The following PLEKHA4 variants were observed in gnomAD, a reference collection of about 807,000 sequenced individuals.
PLEKHA4 encodes pleckstrin homology domain containing A4, also known as pleckstrin homology domain-containing family A member 4.
A neutral mutation model predicts 94.7 loss-of-function variants in PLEKHA4; 73 were observed. That is an observed-to-expected ratio of 0.77 (90% CI 0.64 to 0.94). PLEKHA4 has a LOEUF of 0.94. Ranked by LOEUF, PLEKHA4 falls within the 40% of genes least tolerant of loss-of-function variation. The probability of loss-of-function intolerance (pLI) is 0.00; values close to 1 mark genes in which losing one functional copy is unlikely to be tolerated. For missense variants in PLEKHA4, 1,049 were observed against 1,054.1 expected, an observed-to-expected ratio of 1.00 and a Z score of 0.07; for synonymous variants, 449 against 437.1, an observed-to-expected ratio of 1.03 and a Z score of -0.34.
At chr19:48,864,935 T>A (rs929045700) in intron 3 of PLEKHA4, among the ~76,000 whole-genome samples, 1 of 152,190 alleles carries the variant, frequency 6.6e-6, no homozygotes, top group African/African-American at 2.4e-5. Flanking sequence ...ACTAATTTAT[T>A]ATCCACCCAT....
intron 17 of PLEKHA4, 102 bp downstream of exon 17, chr19:48,841,047 G>A (rs1327588758): frequency 2.5e-6 from 3 of 1,177,618 alleles, no homozygotes; most frequent in South Asian, 1.5e-5. Context: ...CAGTTTGGAG[G>A]AAGGAGGTAG....
Position 48,838,126 on chromosome 19 carries a change from T to C in PLEKHA4, c.1968A>G (p.Pro656=). The C allele has an allele frequency of 6.3e-7, 1 of 1,591,332 alleles. No homozygotes were observed. The highest frequency in any genetic ancestry group is 8.5e-7 in the Non-Finnish European group (1 of 1,170,488). Residue 656 remains proline, a synonymous_variant, in exon 19 of 20, where the codon CCA becomes CCG. Coordinates refer to ENST00000263265, the MANE Select transcript of PLEKHA4 (RefSeq NM_020904.3). ...WLRSSGSWSS[P]RNTTPYLPTS... ...TCGGCAAGTAAGGGGTGGTGTTCCT[T>C]GGACTAGAAAAAAAAAGAAGATTGG...
chr19:48,847,829 T>C, intron 14 of PLEKHA4, 71 bp downstream of exon 14: 1 of 1,455,052 alleles, frequency 6.9e-7, no homozygotes, highest in Non-Finnish European at 9.1e-7. Flanking sequence ...AAGAGGTGGG[T>C]GGGGAATAGA....
chr19:48,838,703 G>T (rs1302057709), intron 18 of PLEKHA4, among the ~76,000 whole-genome samples: 3 of 149,528 alleles, frequency 2.0e-5, no homozygotes, highest in Admixed American at 1.3e-4. Context: ...GAAGGCGGAG[G>T]TTGCAGTGAA....
At chr19:48,853,977 G>A in intron 11 of PLEKHA4, 30 bp downstream of exon 11, 4 of 1,613,324 alleles carry the variant, frequency 2.5e-6, no homozygotes, top group Non-Finnish European at 3.4e-6. Context: ...GAGAGGCCAG[G>A]CGCCCTGTCC....
Position 48,841,305 on chromosome 19 carries a change from C to T in PLEKHA4, c.1749G>A (p.Pro583=), listed in dbSNP as rs745622501. The change falls in exon 17 of 20, where the codon CCG becomes CCA. Residue 583 remains proline, a synonymous_variant. Coordinates refer to ENST00000263265, the MANE Select transcript of PLEKHA4 (RefSeq NM_020904.3). ...LPSPQLGTKA[P]VARPRMSAQE... is the part of the protein sequence containing the mutation. ...GGGCACTCATCCGGGGCCGGGCCAC[C>T]GGGGCCTAGGGAGGCGAGAAACGTC... 22 of 1,608,484 alleles carry T rather than the reference C, an allele frequency of 1.4e-5. No individual in the cohort carries two copies. Among genetic ancestry groups the T allele is most frequent in the East Asian group, 8.9e-5 (4 of 44,796 alleles).
intron 3 of PLEKHA4, 60 bp from the exon 4 acceptor site, chr19:48,861,752 G>A (rs1347193900): frequency 2.1e-6 from 3 of 1,453,206 alleles, no homozygotes; most frequent in Admixed American, 1.8e-5. Context: ...GGGGATGAAG[G>A]CAGTGACGAT....
intron 13 of PLEKHA4, among the ~76,000 whole-genome samples, 160 bp downstream of exon 13, chr19:48,852,068 C>G (rs1443025571): frequency 5.3e-5 from 8 of 152,064 alleles, no homozygotes; most frequent in African/African-American, 1.9e-4. Context: ...AGGGCATGGT[C>G]TTAACTAAAA....
intron 3 of PLEKHA4, 35 bp downstream of exon 3, chr19:48,865,468 C>T (rs2036795780): frequency 6.5e-7 from 1 of 1,538,246 alleles, no homozygotes; most frequent in Non-Finnish European, 9.0e-7. Flanking sequence ...GGGGCACAGA[C>T]TTCAGTGTCC....
At position 48,841,147 on chromosome 19, in the gene PLEKHA4, A is replaced by G; in HGVS notation, c.1905+2T>C. 6.2e-7 allele frequency: 1 copy of G among 1,605,984 alleles called. No individual in the cohort carries two copies. The highest frequency in any genetic ancestry group is 8.5e-7 in the Non-Finnish European group (1 of 1,176,486). Reference sequence around the variant, plus strand: ...GCCCAGCCCCAGCCCTCCTCCCCTCACCCTTTGCTCCACGTCAGGCTGGCG... The same window carrying G: ...GCCCAGCCCCAGCCCTCCTCCCCTCGCCCTTTGCTCCACGTCAGGCTGGCG... On this transcript the variant is annotated splice_donor_variant, in intron 17 of 19. Coordinates refer to ENST00000263265, the MANE Select transcript of PLEKHA4 (RefSeq NM_020904.3). LOFTEE classifies it high-confidence loss of function.
intron 17 of PLEKHA4, 57 bp downstream of exon 17, chr19:48,841,092 T>A (rs2035744328): frequency 3.3e-6 from 5 of 1,506,824 alleles, no homozygotes; most frequent in Non-Finnish European, 4.5e-6. Flanking sequence ...GGACTCAAAG[T>A]AGGCGAAGAG....
At chr19:48,855,548 G>A (rs1206130909) in intron 9 of PLEKHA4, among the ~76,000 whole-genome samples, 2 of 151,974 alleles carry the variant, frequency 1.3e-5, no homozygotes, top group African/African-American at 2.4e-5. Flanking sequence ...AGGTTGCAGC[G>A]AGCCGAGATC....
rs573089307 is a variant in PLEKHA4 at position 48,848,365 on chromosome 19, A to C, written c.1426-325T>G. On this transcript the variant is annotated intron_variant, in intron 13 of 19. Coordinates refer to ENST00000263265, the MANE Select transcript of PLEKHA4 (RefSeq NM_020904.3). ...GCCGGGCGTAGTGGCGGGCACCTGT[A>C]GTCCCAGCTACTTGGGAGGCTGAGG... is the stretch of plus-strand genomic sequence containing the variant. 1.1e-3 allele frequency among the ~76,000 whole-genome samples: 168 copies of C among 151,038 alleles called. 6 individuals are homozygous for C. The South Asian group carries it at 0.028, about 26-fold the overall frequency.
At chr19:48,848,485 CAAAA>C (rs5828364) in intron 13 of PLEKHA4, among the ~76,000 whole-genome samples, 3 of 92,694 alleles carry the variant, frequency 3.2e-5, no homozygotes, top group South Asian at 3.5e-4. Context: ...GACTCCGTCT[CAAAA>C]AAAAAAAAAA....
rs757783478 is a variant in PLEKHA4, at chr19:48,857,481, G to C, written c.988C>G (p.Pro330Ala). 2 of 1,561,016 alleles carry C rather than the reference G, an allele frequency of 1.3e-6. No individual in the cohort carries two copies. The highest frequency in any genetic ancestry group is 2.8e-5 in the African/African-American group (2 of 72,128). Residue 330 changes from proline (P) to alanine (A), a missense_variant, in exon 9 of 20, where the codon CCC becomes GCC. Transcript: ENST00000263265. ...CGCGGGGGGAGCTGGAGATAAGTGGGGGAGCCAGAGTGTGCCTGGGAGGAA... is the reference window on the plus strand; with the variant it reads ...CGCGGGGGGAGCTGGAGATAAGTGGCGGAGCCAGAGTGTGCCTGGGAGGAA... ...EPRTQAHSGS[P>A]TYLQLPPRPP...
At position 48,848,027 on chromosome 19, in the gene PLEKHA4, G is replaced by A; in HGVS notation, c.1439C>T (p.Ala480Val). 2 of 1,613,694 alleles carry A rather than the reference G, an allele frequency of 1.2e-6. No homozygotes were observed. The highest frequency in any genetic ancestry group is 1.7e-6 in the Non-Finnish European group (2 of 1,179,984). ...TTCCACCATCCACAGCTGCTGCTGA[G>A]CAGACACTCTGTCCTGCAGGGAGGA... is the stretch of plus-strand genomic sequence containing the variant. ...HLGSPQDRVSAQQQLWMVEDT... is the reference protein window; with the variant it reads ...HLGSPQDRVSVQQQLWMVEDT... Residue 480 changes from alanine (A) to valine (V), a missense_variant, in exon 14 of 20, where the codon GCT (alanine) becomes GTT (valine). Transcript: ENST00000263265.
intron 3 of PLEKHA4, 49 bp from the exon 4 acceptor site, chr19:48,861,741 A>C: frequency 6.6e-7 from 1 of 1,504,736 alleles, no homozygotes; most frequent in Non-Finnish European, 9.2e-7. Flanking sequence ...AAACAGAAAA[A>C]GGGGATGAAG....
At chr19:48,852,176 G>T in intron 13 of PLEKHA4, 52 bp downstream of exon 13, 1 of 1,392,380 alleles carries the variant, frequency 7.2e-7, no homozygotes, top group Non-Finnish European at 1.0e-6. Context: ...AGGATTTCCA[G>T]GCAGAACTTG....
chr19:48,859,804 T>A, intron 6 of PLEKHA4, 120 bp from the exon 7 acceptor site: 1 of 876,982 alleles, frequency 1.1e-6, no homozygotes, highest in Non-Finnish European at 1.8e-6. Flanking sequence ...CTATAAATCA[T>A]CGTCCCCCTT....
Sources: gnomAD v4.1 joint callset for allele counts (sites outside exome capture counted in the v4.1 genomes callset) on GRCh38, gnomAD v4.1.1 for gene constraint, MANE v1.5 for transcripts, NCBI Gene and HGNC (gene_info 2026-07-23, HGNC 2026-07-21) for gene names.